Variants in SNCAIP observed in about 807,000 individuals in gnomAD.
SNCAIP encodes synphilin-1.
Under a neutral mutation model 86.7 loss-of-function variants are expected in SNCAIP, and 43 were observed. The observed-to-expected ratio is 0.50, with a 90% confidence interval of 0.39 to 0.64. SNCAIP has a LOEUF of 0.64. Among genes scored for constraint, SNCAIP ranks in the 30% least tolerant of loss-of-function variants. The pLI, the probability that SNCAIP is intolerant of heterozygous loss-of-function variation, is 0.00. For missense variants in SNCAIP, 981 were observed against 1,103.1 expected (o/e 0.89, Z 1.57); for synonymous variants, 417 against 427.2 (o/e 0.98, Z 0.29).
At chr5:122,332,431 A>T (rs1011499179) in intron 1 of SNCAIP, among the ~76,000 whole-genome samples, 1 of 152,248 alleles carries the variant, frequency 6.6e-6, no homozygotes, top group Non-Finnish European at 1.5e-5. Context: ...CCCAGAGCAT[A>T]TACCTTGAAG....
At chr5:122,317,433 G>A (rs954585794) in intron 1 of SNCAIP, among the ~76,000 whole-genome samples, 1 of 152,186 alleles carries the variant, frequency 6.6e-6, no homozygotes, top group Admixed American at 6.5e-5. Context: ...GAGAATTCAG[G>A]ATTAACTTTA....
At chr5:122,426,208 A>G (rs914507795) in intron 5 of SNCAIP, among the ~76,000 whole-genome samples, 15 of 152,248 alleles carry the variant, frequency 9.9e-5, no homozygotes, top group African/African-American at 3.6e-4. Flanking sequence ...ATCTTTGGCA[A>G]ATAAATGTAG....
Position 122,403,864 on chromosome 5 carries a change from A to G in SNCAIP, c.129A>G (p.Ser43=), listed in dbSNP as rs757459263. ...RRCDTQNEDR[S]VSSSSWNCGI... Reference sequence around the variant, plus strand: ...GTGATACGCAAAACGAAGACAGATCAGGTAGGTTTTGCTCCTCCCCTCTTC... The same window carrying G: ...GTGATACGCAAAACGAAGACAGATCGGGTAGGTTTTGCTCCTCCCCTCTTC... Residue 43 remains serine, a splice_region_variant and synonymous_variant, in exon 3 of 11, where the codon TCA becomes TCG. Coordinates refer to ENST00000261368, the MANE Select transcript of SNCAIP (RefSeq NM_005460.4). The G allele has an allele frequency of 2.5e-6, 4 of 1,612,844 alleles. No homozygotes were observed. Among genetic ancestry groups the G allele is most frequent in the Non-Finnish European group, 3.4e-6 (4 of 1,178,960 alleles).
At chr5:122,366,415 A>T (rs1763208003) in intron 1 of SNCAIP, among the ~76,000 whole-genome samples, 1 of 152,162 alleles carries the variant, frequency 6.6e-6, no homozygotes, top group African/African-American at 2.4e-5. Context: ...CAGTCTTCTG[A>T]TTGAGTCTGC....
At chr5:122,332,521 A>C (rs1755581548) in intron 1 of SNCAIP, among the ~76,000 whole-genome samples, 1 of 152,226 alleles carries the variant, frequency 6.6e-6, no homozygotes, top group Admixed American at 6.5e-5. Flanking sequence ...ACTTAGAGCA[A>C]AATATAATTT....
At chr5:122,416,427 T>G (rs1489263229) in intron 3 of SNCAIP, among the ~76,000 whole-genome samples, 1 of 152,128 alleles carries the variant, frequency 6.6e-6, no homozygotes, top group Non-Finnish European at 1.5e-5. Flanking sequence ...TACTAGAGGG[T>G]CTGTAGCATC....
chr5:122,459,973 C>G (rs1256311325), intron 10 of SNCAIP, among the ~76,000 whole-genome samples: 1 of 152,044 alleles, frequency 6.6e-6, no homozygotes, highest in Non-Finnish European at 1.5e-5. Flanking sequence ...CAAATAGTAT[C>G]CCTGTTATCT....
chr5:122,401,060 T>A, intron 2 of SNCAIP: 1 of 1,550,216 alleles, frequency 6.5e-7, no homozygotes, highest in Non-Finnish European at 8.7e-7. Context: ...CAATGGGCTT[T>A]GGTTCCCATA....
intron 3 of SNCAIP, among the ~76,000 whole-genome samples, chr5:122,416,174 G>C (rs926092148): frequency 6.6e-6 from 1 of 152,156 alleles, no homozygotes; most frequent in Non-Finnish European, 1.5e-5. Context: ...TGCAAATAGG[G>C]TGCAAAGTTA....
chr5:122,334,071 G>T (rs896666481), intron 1 of SNCAIP, among the ~76,000 whole-genome samples: 1 of 152,184 alleles, frequency 6.6e-6, no homozygotes, highest in Non-Finnish European at 1.5e-5. Context: ...TGAGAGGATG[G>T]TATGGCAGGC....
intron 1 of SNCAIP, among the ~76,000 whole-genome samples, chr5:122,375,537 G>A (rs1300802284): frequency 1.4e-5 from 2 of 145,624 alleles, no homozygotes; most frequent in Non-Finnish European, 3.0e-5. Context: ...TGTCATTCTA[G>A]TGAATAGATA....
intron 1 of SNCAIP, among the ~76,000 whole-genome samples, chr5:122,338,554 G>T (rs1035820352): frequency 6.6e-6 from 1 of 152,060 alleles, no homozygotes; most frequent in Non-Finnish European, 1.5e-5. Context: ...ATACCATTTC[G>T]TATGCACACA....
chr5:122,438,510 A>G (rs1272362143), intron 6 of SNCAIP, among the ~76,000 whole-genome samples: 1 of 152,186 alleles, frequency 6.6e-6, no homozygotes, highest in African/African-American at 2.4e-5. Flanking sequence ...ACTTGTTTGT[A>G]TTAGTCTTTC....
At chr5:122,352,010 A>T (rs578089867) in intron 1 of SNCAIP, among the ~76,000 whole-genome samples, 1 of 152,346 alleles carries the variant, frequency 6.6e-6, no homozygotes, top group Non-Finnish European at 1.5e-5. Flanking sequence ...AGGCTTATGA[A>T]TGATCAGCAA....
chr5:122,458,108 A>G (rs1429511418), intron 10 of SNCAIP, among the ~76,000 whole-genome samples: 4 of 152,364 alleles, frequency 2.6e-5, no homozygotes, highest in Admixed American at 2.0e-4. Flanking sequence ...AGTTAGTGTC[A>G]AAGTATGATA....
At chr5:122,383,428 G>C (rs1767401194) in intron 1 of SNCAIP, 1 of 152,790 alleles carries the variant, frequency 6.5e-6, no homozygotes, top group African/African-American at 2.4e-5. Flanking sequence ...CCACTGACCT[G>C]CGCCCACTGT....
rs951395960 is a variant in SNCAIP, at chr5:122,448,881, T to C, written c.1593-964T>C. On this transcript the variant is annotated intron_variant, in intron 8 of 10. Coordinates refer to ENST00000261368, the MANE Select transcript of SNCAIP (RefSeq NM_005460.4). ...AATACAAAAAATTAGCTGGGCGGAG[T>C]GGCGGGTGCCTGTAGTCCCAGTTAC... Among the ~76,000 whole-genome samples the C allele has an allele frequency of 4.7e-5, 7 of 148,560 alleles. No homozygotes were observed. The East Asian group carries it at 1.4e-3, about 29-fold the overall frequency.
chr5:122,380,919 T>A (rs1409994306), intron 1 of SNCAIP, among the ~76,000 whole-genome samples: 1 of 150,714 alleles, frequency 6.6e-6, no homozygotes, highest in African/African-American at 2.4e-5. Context: ...TTTGTTATAA[T>A]CTCTGTTCTT....
intron 6 of SNCAIP, among the ~76,000 whole-genome samples, chr5:122,432,433 C>G (rs1038618459): frequency 3.3e-5 from 5 of 151,992 alleles, no homozygotes; most frequent in Non-Finnish European, 7.4e-5. Flanking sequence ...GAAATTAATA[C>G]TAAAAAAATT....
Sources: allele counts gnomAD v4.1 joint callset (sites outside exome capture counted in the v4.1 genomes callset), GRCh38; gene constraint gnomAD v4.1.1; transcripts MANE v1.5; gene names NCBI Gene and HGNC (gene_info 2026-07-23, HGNC 2026-07-21).